Variants in SGCZ observed in about 807,000 individuals in gnomAD.
SGCZ encodes zeta-sarcoglycan.
SGCZ carries 40 observed loss-of-function variants against 41.3 expected under a neutral mutation model. The ratio of observed to expected loss-of-function variants is 0.97; its 90% CI spans 0.75 to 1.26. The LOEUF is 1.26. SGCZ is among the 50% of genes most tolerant of loss of function. SGCZ has a pLI of 0.00. For missense variants in SGCZ, 552 were observed against 369.8 expected (o/e 1.49, Z -4.04); for synonymous variants, 206 against 137.5 (o/e 1.50, Z -3.49).
At chr8:14,618,449 G>C (rs1484416187) in intron 1 of SGCZ, among the ~76,000 whole-genome samples, 1 of 152,106 alleles carries the variant, frequency 6.6e-6, no homozygotes, top group Admixed American at 6.6e-5. Context: ...GAGGTCCTAA[G>C]GCAGAAACAA....
chr8:15,209,878 A>G (rs1801185688), intron 1 of SGCZ, among the ~76,000 whole-genome samples: 1 of 152,084 alleles, frequency 6.6e-6, no homozygotes, highest in Non-Finnish European at 1.5e-5. Flanking sequence ...GGCTTCTCCA[A>G]CTTTGCCAAG....
chr8:14,587,891 G>A (rs1291268528), intron 1 of SGCZ, among the ~76,000 whole-genome samples: 1 of 151,950 alleles, frequency 6.6e-6, no homozygotes, highest in South Asian at 2.1e-4. Context: ...TGAGTTTTTG[G>A]GCAAGCTTGT....
At chr8:15,157,024 T>A (rs574207688) in intron 1 of SGCZ, among the ~76,000 whole-genome samples, 2 of 152,038 alleles carry the variant, frequency 1.3e-5, no homozygotes, top group South Asian at 4.2e-4. Context: ...AATAGTTTCT[T>A]TTCTCTGGGA....
At chr8:14,713,049 A>C (rs988037782) in intron 1 of SGCZ, among the ~76,000 whole-genome samples, 1 of 152,174 alleles carries the variant, frequency 6.6e-6, no homozygotes, top group South Asian at 2.1e-4. Flanking sequence ...TTTACTAAAA[A>C]GTAATTAACT....
At chr8:14,892,627 C>T (rs1445682401) in intron 1 of SGCZ, among the ~76,000 whole-genome samples, 1 of 151,864 alleles carries the variant, frequency 6.6e-6, no homozygotes, top group Non-Finnish European at 1.5e-5. Context: ...GTTGATAGAA[C>T]AATAAATATG....
At chr8:15,068,386 A>G (rs1805229599) in intron 1 of SGCZ, among the ~76,000 whole-genome samples, 1 of 152,240 alleles carries the variant, frequency 6.6e-6, no homozygotes, top group African/African-American at 2.4e-5. Context: ...TAGAGTTGAA[A>G]TATGTAATCA....
intron 2 of SGCZ, among the ~76,000 whole-genome samples, chr8:14,398,766 G>A (rs1394213085): frequency 2.0e-5 from 3 of 152,032 alleles, no homozygotes; most frequent in Non-Finnish European, 4.4e-5. Context: ...GAGTTATAAT[G>A]TCCAGCATTG....
At chr8:14,403,959 G>T (rs1799144453) in intron 2 of SGCZ, among the ~76,000 whole-genome samples, 3 of 152,114 alleles carry the variant, frequency 2.0e-5, no homozygotes, top group Non-Finnish European at 2.9e-5. Flanking sequence ...GAAGAGAAAT[G>T]AGTATTTCAG....
In SGCZ at chr8:14,507,778, T is replaced by TTG. The variant is rs199872743; in HGVS notation, c.234+46953_234+46954insCA. Reference sequence around the variant, plus strand: ...TTTGTTTGTTTTTTTGTTTTTGTTTTTTTTTTTTTCGAGATGGAGTTTCGT... The same window carrying TTG: ...TTTGTTTGTTTTTTTGTTTTTGTTTTTGTTTTTTTTTCGAGATGGAGTTTCGT... On this transcript the variant is annotated intron_variant, in intron 2 of 7. Transcript: ENST00000382080. 9.9e-3 allele frequency among the ~76,000 whole-genome samples: 1,414 copies of TTG among 142,844 alleles called. 33 individuals are homozygous for TTG. Among genetic ancestry groups the TTG allele is most frequent in the African/African-American group, 0.034 (1,304 of 38,806 alleles). 93.7% of individuals were successfully genotyped at this position (142,844 alleles called of 152,430 possible). A position where few individuals can be genotyped will look rare whatever the true frequency, so the allele number is the denominator to read the frequency against.
chr8:15,020,967 T>C (rs1027631608), intron 1 of SGCZ, among the ~76,000 whole-genome samples: 5 of 152,210 alleles, frequency 3.3e-5, no homozygotes. Flanking sequence ...GCTTGGTCTC[T>C]TGAAATCAAA....
intron 5 of SGCZ, among the ~76,000 whole-genome samples, chr8:14,133,532 G>A (rs1803104118): frequency 6.6e-6 from 1 of 152,134 alleles, no homozygotes; most frequent in Admixed American, 6.5e-5. Flanking sequence ...TCTGGAACCA[G>A]GGGCCAGGAC....
intron 1 of SGCZ, among the ~76,000 whole-genome samples, chr8:14,599,991 A>G (rs1469300040): frequency 6.6e-6 from 1 of 152,204 alleles, no homozygotes; most frequent in Admixed American, 6.5e-5. Context: ...TAGCCTTCAC[A>G]TTTTCTTTCA....
At chr8:14,491,039 T>C (rs1252010754) in intron 2 of SGCZ, among the ~76,000 whole-genome samples, 1 of 152,228 alleles carries the variant, frequency 6.6e-6, no homozygotes, top group African/African-American at 2.4e-5. Context: ...TTCATTTATT[T>C]TGTTATGTTT....
At chr8:14,879,351 CAAAT>C (rs1804489713) in intron 1 of SGCZ, 1 of 151,230 alleles carries the variant, frequency 6.6e-6, no homozygotes, top group Non-Finnish European at 1.5e-5. Flanking sequence ...AACAAACAGA[CAAAT>C]AAAAAAAGAC....
At chr8:15,139,177 A>G (rs889359480) in intron 1 of SGCZ, among the ~76,000 whole-genome samples, 2 of 152,230 alleles carry the variant, frequency 1.3e-5, no homozygotes, top group African/African-American at 4.8e-5. Flanking sequence ...TTATCAGAGA[A>G]TAAGCATCAA....
chr8:14,954,206 T>C (rs922525434), intron 1 of SGCZ, among the ~76,000 whole-genome samples: 11 of 152,202 alleles, frequency 7.2e-5, no homozygotes, highest in African/African-American at 2.4e-4. Context: ...TTTATTTATA[T>C]ACGCTTTCTT....
chr8:14,415,076 T>C (rs1799458896), intron 2 of SGCZ, among the ~76,000 whole-genome samples: 1 of 151,798 alleles, frequency 6.6e-6, no homozygotes, highest in African/African-American at 2.4e-5. Flanking sequence ...AATGGGAGAG[T>C]GTTTTTACAA....
At chr8:14,594,221 TAAATAAAA>T (rs1805334861) in intron 1 of SGCZ, among the ~76,000 whole-genome samples, 1 of 122,956 alleles carries the variant, frequency 8.1e-6, no homozygotes, top group Non-Finnish European at 1.8e-5. Flanking sequence ...AATAAATAAA[TAAATAAAA>T]TAAAACAAAA....
chr8:14,275,055 T>G (rs1226516209), intron 3 of SGCZ, among the ~76,000 whole-genome samples: 1 of 152,112 alleles, frequency 6.6e-6, no homozygotes, highest in Non-Finnish European at 1.5e-5. Context: ...CAGGGATCAG[T>G]GAGTTGAATC....
Sources: gnomAD v4.1 joint callset for allele counts (sites outside exome capture counted in the v4.1 genomes callset) on GRCh38, gnomAD v4.1.1 for gene constraint, MANE v1.5 for transcripts, NCBI Gene and HGNC (gene_info 2026-07-23, HGNC 2026-07-21) for gene names.